The following LINGO2 variants were observed in gnomAD, a reference collection of about 807,000 sequenced individuals.
LINGO2 encodes the protein leucine rich repeat and Ig domain containing 2.
Under a neutral mutation model 30.6 loss-of-function variants are expected in LINGO2, and 14 were observed. The observed-to-expected ratio is 0.46, with a 90% CI of 0.30 to 0.72. LINGO2 has a LOEUF of 0.72. Ranked by LOEUF, LINGO2 falls within the 30% of genes least tolerant of loss-of-function variation. LINGO2 has a pLI of 0.07. For synonymous variants in LINGO2, 317 were observed against 288.5 expected, an observed-to-expected ratio of 1.10 and a Z score of -1.00; for missense variants, 729 against 751.7, an observed-to-expected ratio of 0.97 and a Z score of 0.35.
Position 28,663,604 on chromosome 9 carries a change from C to G in LINGO2, c.-365+6596G>C, listed in dbSNP as rs566718269. ...GAAAGGCCCTAAAGAAAATGCAAACCAAAAACTGGAATAAGTTCCTCTGCT... is the reference window on the plus strand; with the variant it reads ...GAAAGGCCCTAAAGAAAATGCAAACGAAAAACTGGAATAAGTTCCTCTGCT... On this transcript the variant is annotated intron_variant, in intron 1 of 5. Transcript: ENST00000379992. Among the ~76,000 whole-genome samples the G allele has an allele frequency of 3.3e-5, 5 of 152,238 alleles. No homozygotes were observed. In the East Asian group the frequency reaches 9.6e-4, roughly 29 times the overall value.
chr9:28,460,330 G>T (rs1825027711), intron 2 of LINGO2, among the ~76,000 whole-genome samples: 1 of 152,128 alleles, frequency 6.6e-6, no homozygotes, highest in Non-Finnish European at 1.5e-5. Context: ...AATCAAGCTT[G>T]CAAAATAAAT....
chr9:28,744,820 G>A, the LINGO2 span, among the ~76,000 whole-genome samples: 1 of 151,296 alleles, frequency 6.6e-6, no homozygotes, highest in African/African-American at 2.4e-5. Context: ...TATTTTTGGT[G>A]GAGACTGGGT....
intron 1 of LINGO2, among the ~76,000 whole-genome samples, chr9:28,500,118 G>A (rs1050629339): frequency 3.3e-5 from 5 of 152,030 alleles, no homozygotes; most frequent in Non-Finnish European, 5.9e-5. Context: ...GAATCTTTTG[G>A]TAACAGGGTA....
the LINGO2 span, among the ~76,000 whole-genome samples, chr9:29,135,022 G>T: frequency 6.6e-6 from 1 of 151,600 alleles, no homozygotes; most frequent in African/African-American, 2.4e-5. Context: ...TATTGTTTTA[G>T]TTTGAACTTT....
At chr9:28,621,968 G>A (rs1826420038) in intron 1 of LINGO2, among the ~76,000 whole-genome samples, 1 of 151,964 alleles carries the variant, frequency 6.6e-6, no homozygotes, top group South Asian at 2.1e-4. Flanking sequence ...CTTGCTCCAT[G>A]CAAGCGTTAC....
the LINGO2 span, among the ~76,000 whole-genome samples, chr9:28,976,440 C>T: frequency 6.6e-6 from 1 of 152,052 alleles, no homozygotes; most frequent in East Asian, 1.9e-4. Context: ...GAAGATCATG[C>T]AATTGATAGA....
chr9:28,103,641 A>G (rs1360930309), intron 4 of LINGO2, among the ~76,000 whole-genome samples: 1 of 152,192 alleles, frequency 6.6e-6, no homozygotes, highest in Non-Finnish European at 1.5e-5. Context: ...CAGCAGAACT[A>G]TTTAGCTTAG....
At chr9:28,319,126 T>C (rs1446147473) in intron 3 of LINGO2, among the ~76,000 whole-genome samples, 1 of 122,076 alleles carries the variant, frequency 8.2e-6, no homozygotes, top group East Asian at 2.5e-4. Context: ...AGAAGAGAAA[T>C]AAACATTTAA....
the LINGO2 span, among the ~76,000 whole-genome samples, chr9:28,881,521 T>G: frequency 6.6e-6 from 1 of 152,086 alleles, no homozygotes; most frequent in Non-Finnish European, 1.5e-5. Context: ...AAATACTTAT[T>G]TGACAAATAT....
intron 5 of LINGO2, among the ~76,000 whole-genome samples, chr9:27,989,445 C>CTCTGTGTGTGTGTG (rs1224690877): frequency 4.7e-5 from 7 of 150,390 alleles, no homozygotes; most frequent in Non-Finnish European, 7.4e-5. Context: ...TGAATGCTCT[C>CTCTGTGTGTGTGTG]TGTGTGTGTG....
chr9:28,399,847 T>A (rs1391256093), intron 2 of LINGO2, among the ~76,000 whole-genome samples: 1 of 152,190 alleles, frequency 6.6e-6, no homozygotes, highest in African/African-American at 2.4e-5. Flanking sequence ...TCCGACATAT[T>A]TGCAGTGGGC....
intron 4 of LINGO2, among the ~76,000 whole-genome samples, chr9:28,017,556 C>G (rs1822901192): frequency 6.6e-6 from 1 of 152,036 alleles, no homozygotes; most frequent in Non-Finnish European, 1.5e-5. Context: ...ATCAGTAGTA[C>G]TTCTATATAT....
At chr9:29,204,698 A>G in the LINGO2 span, among the ~76,000 whole-genome samples, 1 of 152,146 alleles carries the variant, frequency 6.6e-6, no homozygotes, top group Non-Finnish European at 1.5e-5. Context: ...ACATTTGTTT[A>G]TCTATTTTCC....
chr9:28,812,675 T>C, the LINGO2 span, among the ~76,000 whole-genome samples: 14 of 152,166 alleles, frequency 9.2e-5, no homozygotes, highest in African/African-American at 2.9e-4. Context: ...TAGTGGAGGA[T>C]TGTTTTTCTC....
the LINGO2 span, among the ~76,000 whole-genome samples, chr9:28,799,461 C>T: frequency 6.6e-6 from 1 of 152,032 alleles, no homozygotes. Flanking sequence ...GCAAATAAAC[C>T]ATGAAAATCA....
At chr9:28,000,333 A>ACAT (rs1821884797) in intron 5 of LINGO2, among the ~76,000 whole-genome samples, 1 of 152,174 alleles carries the variant, frequency 6.6e-6, no homozygotes, top group Non-Finnish European at 1.5e-5. Flanking sequence ...CAGATTCCAC[A>ACAT]CATCACAGAG....
intron 3 of LINGO2, among the ~76,000 whole-genome samples, chr9:28,347,903 T>C (rs975444259): frequency 6.6e-6 from 1 of 152,200 alleles, no homozygotes; most frequent in African/African-American, 2.4e-5. Flanking sequence ...TTCTACTATG[T>C]TGTTACTGCC....
the LINGO2 span, among the ~76,000 whole-genome samples, chr9:29,089,839 T>A: frequency 1.3e-5 from 2 of 152,184 alleles, no homozygotes; most frequent in African/African-American, 4.8e-5. Context: ...ATCTGATGAT[T>A]CCTATGGTGG....
intron 1 of LINGO2, among the ~76,000 whole-genome samples, chr9:28,496,066 T>G (rs375028481): frequency 1.3e-5 from 2 of 149,206 alleles, no homozygotes; most frequent in Non-Finnish European, 2.9e-5. Context: ...TGCTGAGGAG[T>G]GCTTTACTTC....
Sources: gnomAD v4.1 joint callset for allele counts (sites outside exome capture counted in the v4.1 genomes callset) on GRCh38, gnomAD v4.1.1 for gene constraint, MANE v1.5 for transcripts, NCBI Gene and HGNC (gene_info 2026-07-23, HGNC 2026-07-21) for gene names.